Variants in SCGB2B2 observed in about 807,000 individuals in gnomAD.
SCGB2B2 encodes secretoglobin-like protein.
In SCGB2B2, 11 loss-of-function variants were observed where a neutral mutation model predicts 7.6. That is an observed-to-expected ratio of 1.45 (90% CI 0.91 to 2.40). The LOEUF (loss-of-function observed/expected upper bound fraction) is 2.40. Ranked by LOEUF, SCGB2B2 falls within the 30% of genes most tolerant of loss-of-function variation. The pLI is 0.00. For synonymous variants in SCGB2B2, 50 were observed against 48.6 expected, an observed-to-expected ratio of 1.03 and a Z score of -0.12; for missense variants, 104 against 115.4, an observed-to-expected ratio of 0.90 and a Z score of 0.45.
At chr19:34,661,190 T>G (rs1410029856) in intron 1 of SCGB2B2, among the ~76,000 whole-genome samples, 1 of 151,968 alleles carries the variant, frequency 6.6e-6, no homozygotes, top group East Asian at 1.9e-4. Flanking sequence ...AGTTGATGGG[T>G]GCAGTAAACC....
intron 1 of SCGB2B2, among the ~76,000 whole-genome samples, chr19:34,671,735 G>A (rs958629204): frequency 1.3e-5 from 2 of 151,970 alleles, no homozygotes; most frequent in African/African-American, 4.8e-5. Flanking sequence ...CTTGTAAAAA[G>A]TGCTTTTAAA....
At chr19:34,594,007 C>T (rs562574308) in intron 3 of SCGB2B2, among the ~76,000 whole-genome samples, 168 bp downstream of exon 3, 1 of 152,136 alleles carries the variant, frequency 6.6e-6, no homozygotes, top group African/African-American at 2.4e-5. Context: ...AGAGGTGAGG[C>T]AGGAGGGCCC....
chr19:34,671,705 T>C (rs1334996513), intron 1 of SCGB2B2, among the ~76,000 whole-genome samples: 1 of 152,236 alleles, frequency 6.6e-6, no homozygotes, highest in African/African-American at 2.4e-5. Context: ...CTTATGTGTC[T>C]CAAGTATATG....
intron 1 of SCGB2B2, among the ~76,000 whole-genome samples, chr19:34,664,907 A>G (rs564160180): frequency 1.7e-3 from 250 of 149,046 alleles, no homozygotes; most frequent in African/African-American, 5.7e-3. Flanking sequence ...CAGGACATGC[A>G]TTTCTAACAG....
chr19:34,602,095 G>C (rs1331486280), intron 1 of SCGB2B2, among the ~76,000 whole-genome samples: 2 of 152,096 alleles, frequency 1.3e-5, no homozygotes, highest in African/African-American at 2.4e-5. Context: ...GACACTCTTT[G>C]TTAGATTAAG....
rs916373544 is a variant in SCGB2B2, at chr19:34,593,332, G to A, written c.*223C>T. The A allele has an allele frequency of 9.6e-6, 5 of 523,044 alleles. No individual in the cohort carries two copies. The highest frequency in any genetic ancestry group is 7.6e-5 in the African/African-American group (4 of 52,386). 32.4% of individuals were successfully genotyped at this position (523,044 alleles called of 1,614,324 possible). A position where few individuals can be genotyped will look rare whatever the true frequency, so the allele number is the denominator to read the frequency against. On this transcript the variant is annotated 3_prime_UTR_variant, in exon 4 of 4. Coordinates refer to ENST00000601241, the MANE Select transcript of SCGB2B2 (RefSeq NM_001025591.4). ...CCAAAAAGAAAACAGGCATGTCTAT[G>A]CTACACCTGTAGAGTTTTTCCTCAG... is the stretch of plus-strand genomic sequence containing the variant.
At chr19:34,634,031 G>A (rs1407353614) in intron 1 of SCGB2B2, among the ~76,000 whole-genome samples, 3 of 152,086 alleles carry the variant, frequency 2.0e-5, no homozygotes, top group Non-Finnish European at 2.9e-5. Flanking sequence ...GCCTAGAGGT[G>A]AACAGCCACA....
chr19:34,635,540 T>C, intron 1 of SCGB2B2: 1 of 270,728 alleles, frequency 3.7e-6, no homozygotes, highest in South Asian at 5.0e-5. Context: ...CCATGTGAAC[T>C]CTCTGGTGTA....
At chr19:34,614,957 T>C (rs901076139) in intron 1 of SCGB2B2, among the ~76,000 whole-genome samples, 1 of 152,230 alleles carries the variant, frequency 6.6e-6, no homozygotes, top group Admixed American at 6.5e-5. Context: ...GTTAGCATCA[T>C]TGGTCAAGGC....
intron 1 of SCGB2B2, among the ~76,000 whole-genome samples, chr19:34,673,194 T>C (rs2067843632): frequency 6.6e-6 from 1 of 152,168 alleles, no homozygotes; most frequent in Admixed American, 6.5e-5. Flanking sequence ...GTGGGTTGAG[T>C]ATTGCATGTA....
intron 1 of SCGB2B2, among the ~76,000 whole-genome samples, chr19:34,667,498 G>A (rs2067667248): frequency 6.6e-6 from 1 of 152,052 alleles, no homozygotes; most frequent in Admixed American, 6.5e-5. Flanking sequence ...GTGCTAATTG[G>A]GGCTGATTGC....
chr19:34,586,333 G>A (rs1342678343), downstream of SCGB2B2, among the ~76,000 whole-genome samples: 1 of 152,130 alleles, frequency 6.6e-6, no homozygotes, highest in Non-Finnish European at 1.5e-5. Flanking sequence ...ACTTTTGACA[G>A]TTGCAAAAAT....
At chr19:34,656,965 A>T (rs1158414668) in intron 1 of SCGB2B2, among the ~76,000 whole-genome samples, 1 of 151,352 alleles carries the variant, frequency 6.6e-6, no homozygotes, top group African/African-American at 2.5e-5. Context: ...GAATAAAGCA[A>T]GACAAGTAAA....
intron 1 of SCGB2B2, among the ~76,000 whole-genome samples, chr19:34,599,953 C>A (rs1370541487): frequency 1.3e-5 from 2 of 152,170 alleles, no homozygotes; most frequent in African/African-American, 4.8e-5. Flanking sequence ...CCTCACAATG[C>A]GCCCTCCAGT....
At chr19:34,628,511 A>C (rs1201178858) in intron 1 of SCGB2B2, among the ~76,000 whole-genome samples, 1 of 152,012 alleles carries the variant, frequency 6.6e-6, no homozygotes, top group Non-Finnish European at 1.5e-5. Context: ...AAACTAGCAA[A>C]TCTAGAAGAA....
At chr19:34,606,486 G>A (rs1258503343) in intron 1 of SCGB2B2, among the ~76,000 whole-genome samples, 1 of 150,940 alleles carries the variant, frequency 6.6e-6, no homozygotes, top group Non-Finnish European at 1.5e-5. Flanking sequence ...AACTTTTTGA[G>A]GGGTAGGAAA....
rs1350338107 is a variant in SCGB2B2 at position 34,591,383 on chromosome 19, C to T, written c.*2172G>A. On this transcript the variant is annotated 3_prime_UTR_variant, in exon 4 of 4. Coordinates refer to ENST00000601241, the MANE Select transcript of SCGB2B2 (RefSeq NM_001025591.4). ...AACAGCAGGTGCTGTCAGTGCTGCC[C>T]CAGCCTCTGTCTCCCTCGTGTCTCT... Among the ~76,000 whole-genome samples the T allele has an allele frequency of 1.3e-5, 2 of 152,220 alleles. No individual in the cohort carries two copies. Among genetic ancestry groups the T allele is most frequent in the East Asian group, 1.9e-4 (1 of 5,190 alleles).
intron 1 of SCGB2B2, among the ~76,000 whole-genome samples, chr19:34,617,179 C>G (rs925999016): frequency 5.6e-4 from 85 of 152,152 alleles, no homozygotes; most frequent in African/African-American, 1.9e-3. Flanking sequence ...CTCTTTTTTG[C>G]TTCCATATGA....
intron 1 of SCGB2B2, among the ~76,000 whole-genome samples, chr19:34,658,299 A>G (rs1025258279): frequency 5.3e-5 from 8 of 152,216 alleles, no homozygotes; most frequent in East Asian, 1.9e-4. Context: ...AAAAAAATCA[A>G]TGAATCCAGG....
Sources: gnomAD v4.1 joint callset for allele counts (sites outside exome capture counted in the v4.1 genomes callset) on GRCh38, gnomAD v4.1.1 for gene constraint, MANE v1.5 for transcripts, NCBI Gene and HGNC (gene_info 2026-07-23, HGNC 2026-07-21) for gene names.